Variants in TCN2 observed in about 807,000 individuals in gnomAD.
TCN2 encodes the protein transcobalamin-2.
Under a neutral mutation model 48.6 loss-of-function variants are expected in TCN2, and 34 were observed. The ratio of observed to expected loss-of-function variants is 0.70; its 90% CI spans 0.53 to 0.93. The LOEUF (loss-of-function observed/expected upper bound fraction) is 0.93. Among genes scored for constraint, TCN2 ranks in the 40% least tolerant of loss-of-function variants. The pLI is 0.00. For missense variants in TCN2, 652 were observed against 526.1 expected (o/e 1.24, Z -2.34); for synonymous variants, 283 against 212.5 (o/e 1.33, Z -2.89).
intron 2 of TCN2, among the ~76,000 whole-genome samples, chr22:30,612,115 C>G (rs2145538701): frequency 6.6e-6 from 1 of 152,152 alleles, no homozygotes; most frequent in East Asian, 1.9e-4. Flanking sequence ...TGTAGTGACT[C>G]ATGCCTGTGG....
intron 6 of TCN2, among the ~76,000 whole-genome samples, chr22:30,616,024 TTTGG>T (rs2087608601): frequency 8.3e-6 from 1 of 119,916 alleles, no homozygotes; most frequent in Non-Finnish European, 1.8e-5. Context: ...TACAGAAATG[TTTGG>T]ATGGATGGAT....
At chr22:30,613,107 A>G in intron 3 of TCN2, 65 bp downstream of exon 3, 1 of 1,581,382 alleles carries the variant, frequency 6.3e-7, no homozygotes, top group African/African-American at 1.3e-5. Flanking sequence ...GATATTCTCC[A>G]ATGAGAATCA....
chr22:30,625,883 T>C (rs2087800879), intron 8 of TCN2, among the ~76,000 whole-genome samples: 1 of 152,136 alleles, frequency 6.6e-6, no homozygotes. Context: ...CATATACATT[T>C]TGGGGGGACA....
Position 30,626,551 on chromosome 22 carries a change from G to A in TCN2, c.*30G>A, listed in dbSNP as rs779447189. ...TGAGCTCCCTCATCCCAGCAGCCTC[G>A]CACACTCCCTAGGCTTCTACCCTCC... On this transcript the variant is annotated 3_prime_UTR_variant, in exon 9 of 9. Coordinates refer to ENST00000215838, the MANE Select transcript of TCN2 (RefSeq NM_000355.4). 86 of 1,612,404 alleles carry A rather than the reference G, an allele frequency of 5.3e-5. No homozygotes were observed. The highest frequency in any genetic ancestry group is 2.0e-4 in the African/African-American group (15 of 74,880).
intron 6 of TCN2, 24 bp from the exon 7 acceptor site, chr22:30,617,306 C>T (rs749241795): frequency 6.2e-7 from 1 of 1,614,082 alleles, no homozygotes; most frequent in South Asian, 1.1e-5. Context: ...ACACCAGCTG[C>T]CCGCCCCTTT....
At chr22:30,613,084 G>A in intron 3 of TCN2, 42 bp downstream of exon 3, 1 of 1,607,904 alleles carries the variant, frequency 6.2e-7, no homozygotes. Context: ...GCAGCTGGGA[G>A]GGCTCATCAG....
Position 30,623,857 on chromosome 22 carries a change from C to CACACATAT in TCN2, c.1222+775_1222+776insCACATATA, listed in dbSNP as rs1569046655. On this transcript the variant is annotated intron_variant, in intron 8 of 8. Coordinates refer to ENST00000215838, the MANE Select transcript of TCN2 (RefSeq NM_000355.4). ...ATATACACACACATACATACACATA[C>CACACATAT]ATACACACATATATACACACATATA... Among the ~76,000 whole-genome samples, 58 of 24,034 alleles carry CACACATAT rather than the reference C, an allele frequency of 2.4e-3. 2 individuals carry two copies. The highest frequency in any genetic ancestry group is 3.4e-3 in the Non-Finnish European group (46 of 13,676). 15.8% of individuals were successfully genotyped at this position (24,034 alleles called of 152,430 possible).
chr22:30,615,824 A>G (rs2087606024), intron 6 of TCN2, 37 bp downstream of exon 6: 1 of 1,611,964 alleles, frequency 6.2e-7, no homozygotes, highest in Middle Eastern at 1.7e-4. Flanking sequence ...GCCCTTTACA[A>G]TCTGCTGCGC....
intron 1 of TCN2, among the ~76,000 whole-genome samples, chr22:30,609,021 G>A (rs780166749): frequency 4.0e-5 from 6 of 151,776 alleles, no homozygotes; most frequent in Admixed American, 1.3e-4. Flanking sequence ...CTTCCTCCTC[G>A]GTGTAGTACA....
chr22:30,625,471 T>A (rs1602058859), intron 8 of TCN2, among the ~76,000 whole-genome samples: 2 of 150,854 alleles, frequency 1.3e-5, no homozygotes, highest in Admixed American at 6.6e-5. Context: ...ACTTAAAAAT[T>A]TTTTTTTTTG....
intron 6 of TCN2, 58 bp from the exon 7 acceptor site, chr22:30,617,271 CA>C: frequency 6.2e-7 from 1 of 1,611,430 alleles, no homozygotes. Context: ...GACAAGAAGA[CA>C]AATAATCCAG....
intron 3 of TCN2, among the ~76,000 whole-genome samples, chr22:30,613,927 C>T (rs907686241): frequency 5.3e-5 from 8 of 152,162 alleles, no homozygotes; most frequent in Admixed American, 2.0e-4. Context: ...CATACAGGCT[C>T]CCTCCATCTG....
chr22:30,614,407 G>A lies in TCN2; in HGVS notation c.486G>A (p.Leu162=), dbSNP rs199546693. 3.1e-6 allele frequency: 5 copies of A among 1,614,158 alleles called. No homozygotes were observed. The highest frequency in any genetic ancestry group is 4.2e-6 in the Non-Finnish European group (5 of 1,180,034). ...ACTACCAGTATGGCCTGGGCATTCT[G>A]GCCCTGTGTCTCCACCAGAAGCGGG... ...TSYYQYGLGI[L]ALCLHQKRVH... The change falls in exon 4 of 9, where the codon CTG becomes CTA. Residue 162 remains leucine, a synonymous_variant. Coordinates refer to ENST00000215838, the MANE Select transcript of TCN2 (RefSeq NM_000355.4).
At chr22:30,617,236 C>T in intron 6 of TCN2, 94 bp from the exon 7 acceptor site, 1 of 1,560,928 alleles carries the variant, frequency 6.4e-7, no homozygotes, top group African/African-American at 1.4e-5. Flanking sequence ...TGGGGAAGGA[C>T]AAAGTCCAGG....
intron 7 of TCN2, among the ~76,000 whole-genome samples, chr22:30,620,267 C>T (rs563828345): frequency 3.9e-5 from 6 of 152,308 alleles, no homozygotes; most frequent in African/African-American, 7.2e-5. Flanking sequence ...GCCGGGCCAA[C>T]GTGGCGAAAG....
chr22:30,617,242 C>G, intron 6 of TCN2, 88 bp from the exon 7 acceptor site: 1 of 1,570,564 alleles, frequency 6.4e-7, no homozygotes, highest in Non-Finnish European at 8.7e-7. Context: ...AGGACAAAGT[C>G]CAGGTGTCCT....
rs572308452 is a variant in TCN2 at position 30,612,368 on chromosome 22, G to C, written c.258-505G>C. Among the ~76,000 whole-genome samples the C allele has an allele frequency of 7.9e-5, 12 of 152,274 alleles. No individual in the cohort carries two copies. In the South Asian group the frequency reaches 2.1e-3, roughly 26 times the overall value. ...GTTCGAAACCAGTCTGGCCAACATA[G>C]TGAAACCCTGTCTCTACTGAAAATA... On this transcript the variant is annotated intron_variant, in intron 2 of 8. Transcript: ENST00000215838.
At chr22:30,621,295 T>C (rs983433231) in intron 7 of TCN2, among the ~76,000 whole-genome samples, 1 of 152,012 alleles carries the variant, frequency 6.6e-6, no homozygotes, top group African/African-American at 2.4e-5. Flanking sequence ...GCCCCACCTG[T>C]GTTTCTTAAA....
At chr22:30,614,875 C>T (rs894411504) in intron 4 of TCN2, among the ~76,000 whole-genome samples, 45 of 152,142 alleles carry the variant, frequency 3.0e-4, no homozygotes, top group Admixed American at 2.6e-3. Context: ...CACCACTGCC[C>T]TCCAGCCTGG....
Sources: allele counts gnomAD v4.1 joint callset (sites outside exome capture counted in the v4.1 genomes callset), GRCh38; gene constraint gnomAD v4.1.1; transcripts MANE v1.5; gene names NCBI Gene and HGNC (gene_info 2026-07-23, HGNC 2026-07-21).